MSRB3: variants seen among roughly 807,000 people sequenced by gnomAD.
MSRB3 encodes methionine sulfoxide reductase B3.
A neutral mutation model predicts 21.0 loss-of-function variants in MSRB3; 13 were observed. The ratio of observed to expected loss-of-function variants is 0.62; its 90% confidence interval spans 0.40 to 0.98. The LOEUF (loss-of-function observed/expected upper bound fraction) is 0.98. Among genes scored for constraint, MSRB3 ranks in the 50% least tolerant of loss-of-function variants. The probability of loss-of-function intolerance (pLI) is 0.00; values close to 1 mark genes in which losing one functional copy is unlikely to be tolerated. For missense variants in MSRB3, 199 were observed against 230.3 expected (o/e 0.86, Z 0.88); for synonymous variants, 87 against 88.6 (o/e 0.98, Z 0.10).
At chr12:65,403,992 A>T (rs899984946) in intron 5 of MSRB3, among the ~76,000 whole-genome samples, 5 of 152,136 alleles carry the variant, frequency 3.3e-5, no homozygotes, top group Admixed American at 6.5e-5. Flanking sequence ...AAATGCAGAA[A>T]TCACCTGCCT....
At chr12:65,278,950 G>A in intron 1 of MSRB3, 85 bp downstream of exon 1, 1 of 1,524,562 alleles carries the variant, frequency 6.6e-7, no homozygotes, top group Admixed American at 2.0e-5. Context: ...CCCCGAGCCG[G>A]GATTCCATTC....
intron 5 of MSRB3, among the ~76,000 whole-genome samples, chr12:65,422,557 A>G (rs990503034): frequency 2.0e-5 from 3 of 150,958 alleles, no homozygotes; most frequent in African/African-American, 2.4e-5. Flanking sequence ...AAACAATCCA[A>G]TTATACCCTT....
chr12:65,371,741 A>G (rs1233190421), intron 5 of MSRB3, among the ~76,000 whole-genome samples: 4 of 152,186 alleles, frequency 2.6e-5, no homozygotes, highest in Non-Finnish European at 5.9e-5. Flanking sequence ...GAAAGGAAGG[A>G]AAGTTTTCAT....
chr12:65,404,276 A>G (rs1157010497), intron 5 of MSRB3, among the ~76,000 whole-genome samples: 5 of 152,336 alleles, frequency 3.3e-5, no homozygotes, highest in African/African-American at 7.2e-5. Flanking sequence ...GGAGTTTGCA[A>G]TATACATTTA....
rs112283190 is a variant in MSRB3 at position 65,322,529 on chromosome 12, T to A, written c.77-4297T>A. Among the ~76,000 whole-genome samples the A allele has an allele frequency of 2.2e-3, 333 of 150,958 alleles. 2 individuals are homozygous for A. Among genetic ancestry groups the A allele is most frequent in the Non-Finnish European group, 4.3e-3 (289 of 67,654 alleles). On this transcript the variant is annotated intron_variant, in intron 2 of 6. Transcript: ENST00000308259. The stretch of plus-strand genomic sequence containing the variant: ...AATTACCCGGGTGTGGTGGTGGGCG[T>A]CTGTAATCCCAGCCACTCTGGAGGC...
At chr12:65,438,408 G>A (rs1175971546) in intron 5 of MSRB3, among the ~76,000 whole-genome samples, 1 of 151,808 alleles carries the variant, frequency 6.6e-6, no homozygotes, top group Non-Finnish European at 1.5e-5. Context: ...AAACTTTTTT[G>A]GGGGACCTAT....
chr12:65,461,383 G>T (rs1247862023), intron 6 of MSRB3, among the ~76,000 whole-genome samples: 1 of 152,180 alleles, frequency 6.6e-6, no homozygotes, highest in African/African-American at 2.4e-5. Flanking sequence ...ACCTAAACCT[G>T]CATCGAATGT....
intron 4 of MSRB3, among the ~76,000 whole-genome samples, chr12:65,332,699 A>ATG (rs1875509397): frequency 6.6e-6 from 1 of 152,174 alleles, no homozygotes; most frequent in African/African-American, 2.4e-5. Context: ...CTTAAAGTAT[A>ATG]TGTGTGTGTG....
chr12:65,432,404 A>G (rs942710177), intron 5 of MSRB3, among the ~76,000 whole-genome samples: 2 of 151,962 alleles, frequency 1.3e-5, no homozygotes, highest in Admixed American at 1.3e-4. Context: ...AAATTTTAAA[A>G]GGGGGGAAAA....
intron 4 of MSRB3, among the ~76,000 whole-genome samples, chr12:65,363,365 A>G (rs977297569): frequency 6.6e-6 from 1 of 152,214 alleles, no homozygotes; most frequent in Non-Finnish European, 1.5e-5. Context: ...ATTCTCTGCA[A>G]GGATAAAATG....
intron 5 of MSRB3, among the ~76,000 whole-genome samples, chr12:65,417,697 A>G (rs1048436897): frequency 2.0e-5 from 3 of 152,110 alleles, no homozygotes; most frequent in Non-Finnish European, 2.9e-5. Context: ...GTGAGTTGAA[A>G]TTTATTAGAT....
At chr12:65,460,704 A>G (rs879340348) in intron 6 of MSRB3, among the ~76,000 whole-genome samples, 1 of 147,828 alleles carries the variant, frequency 6.8e-6, no homozygotes, top group African/African-American at 2.5e-5. Context: ...TAGTTTTCAT[A>G]GTCTTTTTCT....
intron 5 of MSRB3, among the ~76,000 whole-genome samples, chr12:65,399,329 G>A (rs372014220): frequency 6.6e-6 from 1 of 152,124 alleles, no homozygotes; most frequent in Non-Finnish European, 1.5e-5. Context: ...CACAACCATT[G>A]TAAGTTGTTT....
chr12:65,324,992 C>A lies in MSRB3; in HGVS notation c.77-1834C>A, dbSNP rs1874921187. On this transcript the variant is annotated intron_variant, in intron 2 of 6. Coordinates refer to ENST00000308259, the MANE Select transcript of MSRB3 (RefSeq NM_001031679.3). ...TGCCATTGAAAAGAATAATTTTAAC[C>A]AAGTCATTTTGTCATGTTAAGTTTG... Among the ~76,000 whole-genome samples, 3 of 145,978 alleles carry A rather than the reference C, an allele frequency of 2.1e-5. No homozygotes were observed. In the South Asian group the frequency reaches 6.8e-4, roughly 33 times the overall value.
intron 4 of MSRB3, among the ~76,000 whole-genome samples, chr12:65,329,300 T>G (rs1175907595): frequency 6.6e-6 from 1 of 152,296 alleles, no homozygotes; most frequent in Non-Finnish European, 1.5e-5. Context: ...AGAAGCCCTA[T>G]GCTTCCCATG....
chr12:65,414,190 A>T (rs1174731169), intron 5 of MSRB3, among the ~76,000 whole-genome samples: 1 of 152,200 alleles, frequency 6.6e-6, no homozygotes. Flanking sequence ...TTAAAAGCTC[A>T]CTTTGGCTGT....
At position 65,445,902 on chromosome 12, in the gene MSRB3, C is replaced by T. The variant is rs558666214; in HGVS notation, c.293-7826C>T. On this transcript the variant is annotated intron_variant, in intron 5 of 6. Coordinates refer to ENST00000308259, the MANE Select transcript of MSRB3 (RefSeq NM_001031679.3). ...TTAGGTGATCCACCTGCCTCAGCCTCCCAAAGTGCTGGGATTAGAGGTGTG... is the reference window on the plus strand; with the variant it reads ...TTAGGTGATCCACCTGCCTCAGCCTTCCAAAGTGCTGGGATTAGAGGTGTG... Among the ~76,000 whole-genome samples, 4 of 152,238 alleles carry T rather than the reference C, an allele frequency of 2.6e-5. No individual in the cohort carries two copies. The South Asian group carries it at 8.3e-4, about 32-fold the overall frequency.
chr12:65,352,637 T>C (rs1877092836), intron 4 of MSRB3, among the ~76,000 whole-genome samples: 1 of 151,872 alleles, frequency 6.6e-6, no homozygotes, highest in Admixed American at 6.6e-5. Context: ...AAAATCAATG[T>C]ACAAAAATCA....
intron 2 of MSRB3, among the ~76,000 whole-genome samples, chr12:65,324,237 C>T (rs759415744): frequency 6.6e-6 from 1 of 152,190 alleles, no homozygotes; most frequent in South Asian, 2.1e-4. Context: ...ACATAGGGCA[C>T]ATTCCTACAA....
Sources: gnomAD v4.1 joint callset for allele counts (sites outside exome capture counted in the v4.1 genomes callset) on GRCh38, gnomAD v4.1.1 for gene constraint, MANE v1.5 for transcripts, NCBI Gene and HGNC (gene_info 2026-07-23, HGNC 2026-07-21) for gene names.